CDH18: variants seen among roughly 807,000 people sequenced by gnomAD.
The protein encoded by CDH18 is cadherin 18, also known as cadherin-18.
CDH18 carries 31 observed loss-of-function variants against 67.9 expected under a neutral mutation model. That is an observed-to-expected ratio of 0.46 (90% CI 0.34 to 0.62). The LOEUF is 0.62. Among genes scored for constraint, CDH18 ranks in the 20% least tolerant of loss-of-function variants. The pLI is 0.01. For missense variants in CDH18, 890 were observed against 975.5 expected (o/e 0.91, Z 1.17); for synonymous variants, 362 against 347.2 (o/e 1.04, Z -0.48).
intron 3 of CDH18, among the ~76,000 whole-genome samples, chr5:19,807,243 G>A (rs972679233): frequency 2.0e-4 from 30 of 152,050 alleles, no homozygotes; most frequent in African/African-American, 5.3e-4. Flanking sequence ...TAGGTGATGG[G>A]TTGAGAGGTG....
intron 2 of CDH18, among the ~76,000 whole-genome samples, chr5:20,076,794 A>G (rs1743980976): frequency 6.6e-6 from 1 of 152,174 alleles, no homozygotes; most frequent in Non-Finnish European, 1.5e-5. Context: ...AATGTAGGAT[A>G]AAAGTACTAA....
At chr5:19,971,350 T>C (rs1175289450) in intron 2 of CDH18, among the ~76,000 whole-genome samples, 2 of 152,038 alleles carry the variant, frequency 1.3e-5, no homozygotes, top group African/African-American at 2.4e-5. Flanking sequence ...TGAATTCACA[T>C]ACATCACTTA....
chr5:20,447,453 G>A (rs187442103), intron 1 of CDH18, among the ~76,000 whole-genome samples: 10 of 151,884 alleles, frequency 6.6e-5, no homozygotes, highest in Admixed American at 3.3e-4. Context: ...TGAAGACACA[G>A]CATTCCTCCC....
chr5:19,918,880 C>A (rs1156528120), intron 2 of CDH18, among the ~76,000 whole-genome samples: 1 of 144,422 alleles, frequency 6.9e-6, no homozygotes, highest in African/African-American at 2.7e-5. Flanking sequence ...CTCTTTCATG[C>A]ACATCCCAGT....
intron 2 of CDH18, among the ~76,000 whole-genome samples, chr5:19,907,878 T>G (rs1790695695): frequency 6.6e-6 from 1 of 152,076 alleles, no homozygotes; most frequent in South Asian, 2.1e-4. Flanking sequence ...ATTCAATATT[T>G]AGCAGCAATA....
chr5:20,418,256 T>TTTTTTTTTTTTTTTC, intron 1 of CDH18, among the ~76,000 whole-genome samples: 1 of 131,748 alleles, frequency 7.6e-6, no homozygotes, highest in Admixed American at 7.9e-5. Context: ...TTTTTTTTTT[T>TTTTTTTTTTTTTTTC]TTTTTTTTTT....
chr5:20,421,244 T>G (rs1331803304), intron 1 of CDH18, among the ~76,000 whole-genome samples: 4 of 151,082 alleles, frequency 2.6e-5, no homozygotes, highest in African/African-American at 9.9e-5. Context: ...TTAAAAGCTC[T>G]TGCACTTCCG....
chr5:19,753,178 A>G (rs1771090268), intron 3 of CDH18, among the ~76,000 whole-genome samples: 1 of 152,190 alleles, frequency 6.6e-6, no homozygotes, highest in Admixed American at 6.5e-5. Context: ...AACCAAGAAG[A>G]AATCCCTGAT....
At chr5:19,651,475 T>A (rs1428259370) in intron 5 of CDH18, among the ~76,000 whole-genome samples, 1 of 151,984 alleles carries the variant, frequency 6.6e-6, no homozygotes, top group Non-Finnish European at 1.5e-5. Flanking sequence ...TGGTTAGAGG[T>A]CAGCATACCC....
chr5:19,691,583 A>C (rs1761897231), intron 5 of CDH18, among the ~76,000 whole-genome samples: 1 of 151,922 alleles, frequency 6.6e-6, no homozygotes, highest in South Asian at 2.1e-4. Flanking sequence ...TAGTTTCTAA[A>C]CACTAATAAT....
chr5:20,528,309 A>G (rs1051944082), intron 1 of CDH18, among the ~76,000 whole-genome samples: 1 of 152,030 alleles, frequency 6.6e-6, no homozygotes, highest in Admixed American at 6.6e-5. Context: ...ATAGTGGGAG[A>G]TTTTAATACC....
intron 2 of CDH18, among the ~76,000 whole-genome samples, chr5:20,140,982 A>G (rs1291226112): frequency 6.6e-6 from 1 of 152,140 alleles, no homozygotes; most frequent in African/African-American, 2.4e-5. Flanking sequence ...TGGATGCCAC[A>G]ATGCATTTGC....
At chr5:20,271,924 C>CAGAGAGAGAG (rs201955881) in intron 1 of CDH18, among the ~76,000 whole-genome samples, 2,637 of 146,508 alleles carry the variant, frequency 0.018, 50 homozygotes, top group African/African-American at 0.049. Flanking sequence ...TGTAGAGAGG[C>CAGAGAGAGAG]AGAGAGAGAG....
At chr5:20,181,581 C>T (rs189660077) in intron 2 of CDH18, among the ~76,000 whole-genome samples, 6 of 152,164 alleles carry the variant, frequency 3.9e-5, no homozygotes, top group African/African-American at 7.2e-5. Flanking sequence ...AGTCTTGCTT[C>T]GAACTGCTGA....
chr5:20,152,252 G>C (rs1751183929), intron 2 of CDH18, among the ~76,000 whole-genome samples: 1 of 143,206 alleles, frequency 7.0e-6, no homozygotes, highest in South Asian at 2.2e-4. Flanking sequence ...ATATAATATA[G>C]ATACAATTAT....
chr5:19,487,260 A>G (rs1255244947), intron 11 of CDH18, among the ~76,000 whole-genome samples: 1 of 152,198 alleles, frequency 6.6e-6, no homozygotes, highest in African/African-American at 2.4e-5. Context: ...ATAGACAAAT[A>G]TAGACATATA....
intron 8 of CDH18, among the ~76,000 whole-genome samples, chr5:19,561,923 A>G (rs1425547007): frequency 6.6e-6 from 1 of 152,168 alleles, no homozygotes; most frequent in Non-Finnish European, 1.5e-5. Flanking sequence ...GTGTTCTAAT[A>G]TCAGCAATAT....
At chr5:20,493,273 T>G (rs1753695604) in intron 1 of CDH18, among the ~76,000 whole-genome samples, 2 of 136,142 alleles carry the variant, frequency 1.5e-5, no homozygotes, top group African/African-American at 5.6e-5. Context: ...TGCTTGAGCC[T>G]GGGAGGCGGA....
chr5:20,510,951 C>A (rs377634153), intron 1 of CDH18, among the ~76,000 whole-genome samples: 1 of 152,068 alleles, frequency 6.6e-6, no homozygotes, highest in African/African-American at 2.4e-5. Context: ...TGAGTAAAAT[C>A]CTTTTTAACA....
Sources: allele counts gnomAD v4.1 joint callset (sites outside exome capture counted in the v4.1 genomes callset), GRCh38; gene constraint gnomAD v4.1.1; transcripts MANE v1.5; gene names NCBI Gene and HGNC (gene_info 2026-07-23, HGNC 2026-07-21).